The following FOXP1 variants were observed in gnomAD, a reference collection of about 807,000 sequenced individuals.
FOXP1 encodes forkhead box protein P1.
FOXP1 carries 15 observed loss-of-function variants against 98.2 expected under a neutral mutation model. That is an observed-to-expected ratio of 0.15 (90% CI 0.10 to 0.24). The LOEUF (loss-of-function observed/expected upper bound fraction) is 0.24, where lower values mean the gene tolerates loss of function less well. FOXP1 is among the 10% of genes least tolerant of loss of function. FOXP1 has a pLI of 1.00. For synonymous variants in FOXP1, 371 were observed against 314.5 expected, an observed-to-expected ratio of 1.18 and a Z score of -1.90; for missense variants, 633 against 848.5, an observed-to-expected ratio of 0.75 and a Z score of 3.15.
chr3:71,272,452 G>C (rs139463385), intron 5 of FOXP1, among the ~76,000 whole-genome samples: 1 of 152,014 alleles, frequency 6.6e-6, no homozygotes, highest in African/African-American at 2.4e-5. Context: ...ATATACTAGG[G>C]GTGGGGGATT....
chr3:71,552,750 C>T (rs769815563), intron 2 of FOXP1, among the ~76,000 whole-genome samples: 1 of 151,956 alleles, frequency 6.6e-6, no homozygotes, highest in Admixed American at 6.6e-5. Context: ...CAAGTATTTG[C>T]GTAGTTACTT....
chr3:71,583,656 G>A lies in FOXP1; in HGVS notation c.-532C>T. 3 of 984,270 alleles carry A rather than the reference G, an allele frequency of 3.0e-6. No individual in the cohort carries two copies. The highest frequency in any genetic ancestry group is 3.6e-6 in the Non-Finnish European group (3 of 829,618). The allele number at this position is 984,270 out of a possible 1,614,324, so 61.0% of individuals were successfully genotyped here. On this transcript the variant is annotated 5_prime_UTR_variant, in exon 1 of 21. Coordinates refer to ENST00000649528, the MANE Select transcript of FOXP1 (RefSeq NM_001349338.3). ...CCACTCCCGCCCGCGCGCGCACCCC[G>A]CGCACACACTCACTCGCGCACACAC...
rs1575804495 is a variant in FOXP1 at position 70,977,717 on chromosome 3, T to C, written c.1354A>G (p.Ile452Val). Residue 452 changes from isoleucine to valine, a missense_variant, in exon 16 of 21, where the codon ATT becomes GTT. Physicochemically the swap from Ile to Val is conservative, Grantham distance 29 (BLOSUM62 3). This residue lies in a region of FOXP1 where 141 missense variants were observed against 199.5 expected (regional missense o/e 0.71). Coordinates refer to ENST00000649528, the MANE Select transcript of FOXP1 (RefSeq NM_001349338.3). ...TTATAAAATTCTTGGTTCTGCGCAA[T>C]ATCTGCTGAATAAGAATCATTGTCC... ...KYNVPISSAD[I>V]AQNQEFYKNA... 1.2e-6 allele frequency: 2 copies of C among 1,614,112 alleles called. No homozygotes were observed. Among genetic ancestry groups the C allele is most frequent in the East Asian group, 4.5e-5 (2 of 44,886 alleles).
At chr3:71,092,517 G>A (rs768717158) in intron 7 of FOXP1, among the ~76,000 whole-genome samples, 1 of 152,204 alleles carries the variant, frequency 6.6e-6, no homozygotes, top group South Asian at 2.1e-4. Flanking sequence ...TTGAGGACAG[G>A]AGGAGGCTGG....
intron 4 of FOXP1, among the ~76,000 whole-genome samples, chr3:71,312,856 T>C (rs1241363904): frequency 6.6e-6 from 1 of 151,894 alleles, no homozygotes; most frequent in South Asian, 2.1e-4. Context: ...CTGGGCATGG[T>C]GGTGCTTGCC....
intron 2 of FOXP1, among the ~76,000 whole-genome samples, chr3:71,514,501 G>C (rs1355211211): frequency 6.6e-6 from 1 of 152,134 alleles, no homozygotes; most frequent in Non-Finnish European, 1.5e-5. Flanking sequence ...ATCTTTGTCT[G>C]TTTTGTTCAT....
At position 71,005,577 on chromosome 3, in the gene FOXP1, A is replaced by G. The variant is rs142559372; in HGVS notation, c.975-4518T>C. Among the ~76,000 whole-genome samples the G allele has an allele frequency of 1.6e-4, 25 of 152,250 alleles. No individual in the cohort carries two copies. In the East Asian group the frequency reaches 4.4e-3, roughly 27 times the overall value. ...CAGTCAAGACACATCATGGATGGAA[A>G]ACACATTTGGAAAGAATGTGACCCT... is the stretch of plus-strand genomic sequence containing the variant. On this transcript the variant is annotated intron_variant, in intron 12 of 20. Transcript: ENST00000649528.
At chr3:71,393,076 A>G (rs1248221637) in intron 3 of FOXP1, among the ~76,000 whole-genome samples, 1 of 152,194 alleles carries the variant, frequency 6.6e-6, no homozygotes, top group Non-Finnish European at 1.5e-5. Context: ...GCCCAAGAAT[A>G]ATAAAAATGT....
At chr3:71,582,059 G>A in intron 1 of FOXP1, 1 of 983,904 alleles carries the variant, frequency 1.0e-6, no homozygotes, top group Non-Finnish European at 1.2e-6. Context: ...TCTCACAGGG[G>A]GCGGGAGCTG....
Position 70,958,964 on chromosome 3 carries a change from T to C in FOXP1, c.*283A>G. The C allele has an allele frequency of 2.3e-6, 1 of 443,196 alleles. No individual in the cohort carries two copies. Among genetic ancestry groups the C allele is most frequent in the East Asian group, 4.0e-5 (1 of 24,992 alleles). The allele number at this position is 443,196 out of a possible 1,614,324, so 27.5% of individuals were successfully genotyped here. ...AATCAGTTTAGCAAATTTACAACACTGATGTTGACGGTTAAGAGAGGAAAA... is the reference window on the plus strand; with the variant it reads ...AATCAGTTTAGCAAATTTACAACACCGATGTTGACGGTTAAGAGAGGAAAA... On this transcript the variant is annotated 3_prime_UTR_variant, in exon 21 of 21. Transcript: ENST00000649528.
chr3:71,345,101 C>T (rs2077242893), intron 4 of FOXP1, among the ~76,000 whole-genome samples: 1 of 151,272 alleles, frequency 6.6e-6, no homozygotes, highest in African/African-American at 2.4e-5. Context: ...TAAAATATAC[C>T]AAAAAAGGCT....
chr3:71,442,490 G>A (rs2086029190), intron 3 of FOXP1, among the ~76,000 whole-genome samples: 1 of 152,064 alleles, frequency 6.6e-6, no homozygotes, highest in Non-Finnish European at 1.5e-5. Context: ...TGATTTTAGT[G>A]AAATTATTCA....
chr3:71,480,039 T>C (rs533496968), intron 3 of FOXP1, among the ~76,000 whole-genome samples: 76 of 152,152 alleles, frequency 5.0e-4, no homozygotes, highest in Non-Finnish European at 9.1e-4. Context: ...CTACTAAAAA[T>C]ACAAAAATTA....
intron 2 of FOXP1, among the ~76,000 whole-genome samples, chr3:71,576,222 A>G (rs1042195683): frequency 1.3e-5 from 2 of 152,238 alleles, no homozygotes; most frequent in African/African-American, 4.8e-5. Context: ...ATTTATCTGA[A>G]TTAGCAGCAG....
At chr3:71,341,049 C>T (rs1476959738) in intron 4 of FOXP1, among the ~76,000 whole-genome samples, 1 of 152,100 alleles carries the variant, frequency 6.6e-6, no homozygotes, top group African/African-American at 2.4e-5. Flanking sequence ...CCTACCAATC[C>T]TGGACAGAAT....
chr3:71,441,218 T>C (rs1442413200), intron 3 of FOXP1, among the ~76,000 whole-genome samples: 1 of 152,208 alleles, frequency 6.6e-6, no homozygotes, highest in East Asian at 1.9e-4. Context: ...GTACTATGGA[T>C]CAGTCATTCT....
chr3:70,987,477 G>A (rs969513977), intron 14 of FOXP1, among the ~76,000 whole-genome samples: 1 of 152,196 alleles, frequency 6.6e-6, no homozygotes, highest in African/African-American at 2.4e-5. Context: ...GTAACCATTA[G>A]AGCCTCTCCA....
chr3:71,360,347 T>TC (rs2078471738), intron 3 of FOXP1: 1 of 152,100 alleles, frequency 6.6e-6, no homozygotes, highest in African/African-American at 2.4e-5. Context: ...AGTTAGCAAC[T>TC]CTTTTTTTTT....
At chr3:70,976,690 C>T (rs923077201) in intron 17 of FOXP1, among the ~76,000 whole-genome samples, 4 of 152,156 alleles carry the variant, frequency 2.6e-5, no homozygotes, top group African/African-American at 9.7e-5. Context: ...CTACATATTC[C>T]AACCAGAGAG....
Sources: allele counts gnomAD v4.1 joint callset (sites outside exome capture counted in the v4.1 genomes callset), GRCh38; gene constraint gnomAD v4.1.1; regional missense constraint gnomAD v4.1.1; transcripts MANE v1.5; gene names NCBI Gene and HGNC (gene_info 2026-07-23, HGNC 2026-07-21).